Variants in CYP2C19 observed in about 807,000 individuals in gnomAD.
CYP2C19 encodes cytochrome P450 family 2 subfamily C member 19.
A neutral mutation model predicts 40.9 loss-of-function variants in CYP2C19; 59 were observed. That is an observed-to-expected ratio of 1.44 (90% CI 1.17 to 1.79). The LOEUF is 1.79. Ranked by LOEUF, CYP2C19 falls within the 40% of genes most tolerant of loss-of-function variation. CYP2C19 has a pLI of 0.00. For missense variants in CYP2C19, 754 were observed against 596.9 expected, an observed-to-expected ratio of 1.26 and a Z score of -2.74; for synonymous variants, 253 against 208.7, an observed-to-expected ratio of 1.21 and a Z score of -1.83.
rs1564687455 is a variant in CYP2C19, at chr10:94,852,762, G to A, written c.1321G>A (p.Ala441Thr). Residue 441 changes from alanine (A) to threonine (T), a missense_variant, in exon 9 of 9, where the codon GCC (alanine) becomes ACC (threonine). Ala to Thr is a moderately conservative substitution (Grantham distance 58, BLOSUM62 0). Transcript: ENST00000371321. ...ACGGATTTGTGTGGGAGAGGGCCTGGCCCGCATGGAGCTGTTTTTATTCCT... is the reference window on the plus strand; with the variant it reads ...ACGGATTTGTGTGGGAGAGGGCCTGACCCGCATGGAGCTGTTTTTATTCCT... ...GKRICVGEGL[A>T]RMELFLFLTF... is the part of the protein sequence containing the mutation. The A allele has an allele frequency of 6.2e-7, 1 of 1,614,014 alleles. No individual in the cohort carries two copies. The highest frequency in any genetic ancestry group is 8.5e-7 in the Non-Finnish European group (1 of 1,179,950).
At chr10:94,822,572 TG>T (rs759746449) in intron 6 of CYP2C19, among the ~76,000 whole-genome samples, 5 of 152,072 alleles carry the variant, frequency 3.3e-5, no homozygotes, top group East Asian at 1.9e-4. Context: ...TGAATTTTTT[TG>T]GGGGGGCATA....
At chr10:94,795,366 G>A (rs901413871) in intron 5 of CYP2C19, among the ~76,000 whole-genome samples, 4 of 152,034 alleles carry the variant, frequency 2.6e-5, no homozygotes, top group African/African-American at 9.6e-5. Context: ...GTATTCCATG[G>A]TGTATATGTG....
At chr10:94,772,456 G>C (rs1434840770) in intron 1 of CYP2C19, among the ~76,000 whole-genome samples, 1 of 152,138 alleles carries the variant, frequency 6.6e-6, no homozygotes, top group Non-Finnish European at 1.5e-5. Context: ...TTGGAGAAGA[G>C]AGGCAAGAGG....
rs563978632 is a variant in CYP2C19, at chr10:94,830,008, G to C, written c.961+9371G>C. Among the ~76,000 whole-genome samples, 359 of 152,088 alleles carry C rather than the reference G, an allele frequency of 2.4e-3. 2 individuals are homozygous for C. Among genetic ancestry groups the C allele is most frequent in the African/African-American group, 8.3e-3 (342 of 41,368 alleles). ...GGACCCACTTGAGGAGGCAGTCTGC[G>C]CATTCTCAGATCTCCAGCTGCATGC... On this transcript the variant is annotated intron_variant, in intron 6 of 8. Transcript: ENST00000371321.
intron 6 of CYP2C19, among the ~76,000 whole-genome samples, chr10:94,830,118 G>A (rs1849304883): frequency 6.6e-6 from 1 of 152,168 alleles, no homozygotes; most frequent in Non-Finnish European, 1.5e-5. Flanking sequence ...GTTTGTCTGT[G>A]CCCTGCCCCC....
At chr10:94,831,696 G>A (rs1050706573) in intron 6 of CYP2C19, among the ~76,000 whole-genome samples, 15 of 152,172 alleles carry the variant, frequency 9.9e-5, no homozygotes, top group Non-Finnish European at 1.9e-4. Context: ...CAATTAACAT[G>A]TCTTCTTTTG....
At chr10:94,809,859 G>C (rs1466549037) in intron 5 of CYP2C19, among the ~76,000 whole-genome samples, 1 of 151,894 alleles carries the variant, frequency 6.6e-6, no homozygotes, top group East Asian at 1.9e-4. Flanking sequence ...TTATGTGATG[G>C]ATTATGTTTG....
intron 5 of CYP2C19, among the ~76,000 whole-genome samples, chr10:94,817,992 G>A (rs1366115558): frequency 3.8e-5 from 5 of 131,240 alleles, no homozygotes; most frequent in Admixed American, 8.7e-5. Context: ...CAGCCTGGGC[G>A]ACAGAGTGAG....
intron 8 of CYP2C19, among the ~76,000 whole-genome samples, chr10:94,851,241 GGA>G (rs760342551): frequency 6.6e-6 from 1 of 152,010 alleles, no homozygotes; most frequent in East Asian, 1.9e-4. Context: ...TGGAAGAGCA[GGA>G]GAGAGAGAGC....
Position 94,820,576 on chromosome 10 carries a change from G to A in CYP2C19, c.900G>A (p.Glu300=), listed in dbSNP as rs756173535. ...CTGACTTACTTGGAGCTGGGACAGA[G>A]ACAACAAGCACAACCCTGAGATATG... The part of the protein sequence containing the change: ...TAADLLGAGT[E]TTSTTLRYAL... Residue 300 remains glutamate, a synonymous_variant, in exon 6 of 9, where the codon GAG becomes GAA. Coordinates refer to ENST00000371321, the MANE Select transcript of CYP2C19 (RefSeq NM_000769.4). 3 of 1,614,200 alleles carry A rather than the reference G, an allele frequency of 1.9e-6. No homozygotes were observed. Among genetic ancestry groups the A allele is most frequent in the Non-Finnish European group, 2.5e-6 (3 of 1,180,034 alleles).
chr10:94,852,757 G>T lies in CYP2C19; in HGVS notation c.1316G>T (p.Gly439Val), dbSNP rs759621183. The T allele has an allele frequency of 1.2e-6, 2 of 1,614,004 alleles. No homozygotes were observed. Among genetic ancestry groups the T allele is most frequent in the Non-Finnish European group, 1.7e-6 (2 of 1,179,938 alleles). ...GGAAAACGGATTTGTGTGGGAGAGGGCCTGGCCCGCATGGAGCTGTTTTTA... is the reference window on the plus strand; with the variant it reads ...GGAAAACGGATTTGTGTGGGAGAGGTCCTGGCCCGCATGGAGCTGTTTTTA... ...SAGKRICVGE[G>V]LARMELFLFL... The change falls in exon 9 of 9, where the codon GGC becomes GTC. Residue 439 changes from glycine (G) to valine (V), a missense_variant. Coordinates refer to ENST00000371321, the MANE Select transcript of CYP2C19 (RefSeq NM_000769.4).
chr10:94,802,330 A>G (rs1182841220), intron 5 of CYP2C19, among the ~76,000 whole-genome samples: 2 of 152,074 alleles, frequency 1.3e-5, no homozygotes, highest in African/African-American at 2.4e-5. Context: ...CACCTTTACC[A>G]TTAGGTAGTG....
chr10:94,805,709 C>A (rs1161780251), intron 5 of CYP2C19, among the ~76,000 whole-genome samples: 1 of 152,118 alleles, frequency 6.6e-6, no homozygotes, highest in African/African-American at 2.4e-5. Context: ...CATGGTGAAA[C>A]CCTGTCTCTA....
chr10:94,806,272 T>C (rs1322362945), intron 5 of CYP2C19, among the ~76,000 whole-genome samples: 2 of 152,240 alleles, frequency 1.3e-5, no homozygotes, highest in Non-Finnish European at 2.9e-5. Context: ...TTCCGTTGTA[T>C]GTATAAACCA....
At chr10:94,830,310 C>T (rs1314416587) in intron 6 of CYP2C19, among the ~76,000 whole-genome samples, 3 of 152,248 alleles carry the variant, frequency 2.0e-5, no homozygotes, top group Non-Finnish European at 4.4e-5. Flanking sequence ...TAGTGAGACT[C>T]CGTGGGCGTA....
chr10:94,787,446 G>T (rs75580262), intron 5 of CYP2C19, among the ~76,000 whole-genome samples: 4,863 of 152,026 alleles, frequency 0.032, 131 homozygotes, highest in Middle Eastern at 0.13. Flanking sequence ...TCTGTAGGTT[G>T]TCTGTTTATT....
chr10:94,795,795 A>G (rs1216446688), intron 5 of CYP2C19, among the ~76,000 whole-genome samples: 3 of 152,154 alleles, frequency 2.0e-5, no homozygotes, highest in African/African-American at 4.8e-5. Context: ...GGCTGCATAA[A>G]TGTCTTCTTT....
At chr10:94,806,690 C>G (rs2134257045) in intron 5 of CYP2C19, among the ~76,000 whole-genome samples, 1 of 147,420 alleles carries the variant, frequency 6.8e-6, no homozygotes, top group South Asian at 2.1e-4. Context: ...AAATACGTTA[C>G]CATAAATTTA....
intron 5 of CYP2C19, among the ~76,000 whole-genome samples, chr10:94,798,374 A>C (rs1034730479): frequency 6.6e-6 from 1 of 151,972 alleles, no homozygotes; most frequent in Non-Finnish European, 1.5e-5. Flanking sequence ...TATAATTTCT[A>C]TTCTTTTACA....
Sources: allele counts gnomAD v4.1 joint callset (sites outside exome capture counted in the v4.1 genomes callset), GRCh38; gene constraint gnomAD v4.1.1; transcripts MANE v1.5; gene names NCBI Gene and HGNC (gene_info 2026-07-23, HGNC 2026-07-21).